Variants in MACROD2 observed in about 807,000 individuals in gnomAD.
MACROD2 encodes the protein mono-ADP ribosylhydrolase 2.
A neutral mutation model predicts 70.4 loss-of-function variants in MACROD2; 36 were observed. The ratio of observed to expected loss-of-function variants is 0.51; its 90% confidence interval spans 0.39 to 0.68. The LOEUF (loss-of-function observed/expected upper bound fraction) is 0.68, where lower values mean the gene tolerates loss of function less well. Ranked by LOEUF, MACROD2 falls within the 30% of genes least tolerant of loss-of-function variation. The probability of loss-of-function intolerance (pLI) is 0.00; values close to 1 mark genes in which losing one functional copy is unlikely to be tolerated. For missense variants in MACROD2, 496 were observed against 538.4 expected, an observed-to-expected ratio of 0.92 and a Z score of 0.78; for synonymous variants, 172 against 178.8, an observed-to-expected ratio of 0.96 and a Z score of 0.30.
At chr20:14,912,170 G>A (rs998370456) in intron 5 of MACROD2, among the ~76,000 whole-genome samples, 1 of 152,134 alleles carries the variant, frequency 6.6e-6, no homozygotes, top group African/African-American at 2.4e-5. Context: ...TTGTCTGTCT[G>A]TCTTAAGAAG....
At chr20:14,209,765 T>C (rs549355037) in intron 3 of MACROD2, among the ~76,000 whole-genome samples, 1 of 152,252 alleles carries the variant, frequency 6.6e-6, no homozygotes, top group African/African-American at 2.4e-5. Context: ...GAGTGGAACA[T>C]AGCACTTCTC....
intron 7 of MACROD2, among the ~76,000 whole-genome samples, chr20:15,432,377 A>G (rs1326564367): frequency 6.6e-6 from 1 of 152,034 alleles, no homozygotes; most frequent in African/African-American, 2.4e-5. Context: ...ATTTTGTCAC[A>G]CTATTTAAAA....
At chr20:14,678,250 T>C (rs922651226) in intron 4 of MACROD2, among the ~76,000 whole-genome samples, 2 of 152,108 alleles carry the variant, frequency 1.3e-5, no homozygotes, top group Non-Finnish European at 2.9e-5. Context: ...GATGTAGAAA[T>C]AGTTATATCA....
chr20:15,103,129 TTC>T (rs1281400588), intron 5 of MACROD2, among the ~76,000 whole-genome samples: 2 of 152,158 alleles, frequency 1.3e-5, no homozygotes, highest in Non-Finnish European at 2.9e-5. Context: ...TCAATTTATG[TTC>T]TGTTTCAGGA....
At chr20:14,339,102 T>A (rs2082984804) in intron 3 of MACROD2, among the ~76,000 whole-genome samples, 1 of 152,222 alleles carries the variant, frequency 6.6e-6, no homozygotes, top group African/African-American at 2.4e-5. Context: ...GGTCTCTTCA[T>A]TAGCTTCATT....
At chr20:14,746,206 C>T (rs1297188057) in intron 5 of MACROD2, among the ~76,000 whole-genome samples, 1 of 152,164 alleles carries the variant, frequency 6.6e-6, no homozygotes, top group African/African-American at 2.4e-5. Context: ...CTGCTTTCAA[C>T]TTTTCACTAC....
At chr20:15,682,377 T>C (rs1033812369) in intron 8 of MACROD2, among the ~76,000 whole-genome samples, 1 of 152,188 alleles carries the variant, frequency 6.6e-6, no homozygotes, top group Non-Finnish European at 1.5e-5. Context: ...CTGGAGCAGC[T>C]CATGGGGAAA....
Position 15,712,462 on chromosome 20 carries a change from A to C in MACROD2, c.646-150283A>C, listed in dbSNP as rs370615472. Among the ~76,000 whole-genome samples, 9 of 152,082 alleles carry C rather than the reference A, an allele frequency of 5.9e-5. No homozygotes were observed. The East Asian group carries it at 1.5e-3, about 26-fold the overall frequency. On this transcript the variant is annotated intron_variant, in intron 8 of 17. Transcript: ENST00000684519. ...CACTGCCACCTCCCCCACCACTACT[A>C]ATTTTTACTGATCAGATTACACATC...
rs546911429 is a variant in MACROD2 at position 15,668,759 on chromosome 20, G to A, written c.645+168912G>A. On this transcript the variant is annotated intron_variant, in intron 8 of 17. Transcript: ENST00000684519. ...AAGTGATCTGTGAGTTGACACTGGCGTCATTGCCTAGCTTGCTTACCCAAA... is the reference window on the plus strand; with the variant it reads ...AAGTGATCTGTGAGTTGACACTGGCATCATTGCCTAGCTTGCTTACCCAAA... 2.8e-4 allele frequency among the ~76,000 whole-genome samples: 42 copies of A among 152,236 alleles called. 1 individual carries two copies. The highest frequency in any genetic ancestry group is 7.5e-4 in the African/African-American group (31 of 41,544).
chr20:14,388,335 T>G (rs1396534030), intron 3 of MACROD2, among the ~76,000 whole-genome samples: 1 of 152,068 alleles, frequency 6.6e-6, no homozygotes, highest in South Asian at 2.1e-4. Flanking sequence ...TTTTATTAAT[T>G]TGGAATTTTA....
intron 15 of MACROD2, among the ~76,000 whole-genome samples, chr20:15,994,827 T>C (rs1391683644): frequency 6.6e-6 from 1 of 152,194 alleles, no homozygotes; most frequent in Non-Finnish European, 1.5e-5. Context: ...TCTGCAAGTT[T>C]GAGTACTTTT....
intron 5 of MACROD2, among the ~76,000 whole-genome samples, chr20:14,861,036 G>A (rs2073310454): frequency 6.6e-6 from 1 of 151,892 alleles, no homozygotes; most frequent in South Asian, 2.1e-4. Flanking sequence ...TTTTTATTCT[G>A]TTATATAACA....
rs555650845 is a variant in MACROD2, at chr20:14,184,544, G to GT, written c.271+98824dup. Among the ~76,000 whole-genome samples the GT allele has an allele frequency of 4.6e-5, 7 of 151,452 alleles. No homozygotes were observed. In the East Asian group the frequency reaches 1.2e-3, roughly 25 times the overall value. On this transcript the variant is annotated intron_variant, in intron 3 of 17. Transcript: ENST00000684519. ...TTGGTTCCATATGAATTTTAAAATAGTTTTTTTTCTAGTTCTGTGAAGAAT... is the reference window on the plus strand; with the variant it reads ...TTGGTTCCATATGAATTTTAAAATAGTTTTTTTTTCTAGTTCTGTGAAGAAT...
At chr20:14,953,431 C>G (rs185770297) in intron 5 of MACROD2, among the ~76,000 whole-genome samples, 6 of 152,012 alleles carry the variant, frequency 3.9e-5, no homozygotes, top group Non-Finnish European at 7.4e-5. Context: ...CTCAGCCTAC[C>G]GAGTAGCTGG....
intron 8 of MACROD2, among the ~76,000 whole-genome samples, chr20:15,668,618 A>G (rs1426538380): frequency 6.6e-6 from 1 of 151,176 alleles, no homozygotes; most frequent in African/African-American, 2.5e-5. Context: ...CATTTCATTC[A>G]CATCAAGAGG....
At chr20:15,451,483 C>T (rs1268933763) in intron 7 of MACROD2, among the ~76,000 whole-genome samples, 1 of 148,292 alleles carries the variant, frequency 6.7e-6, no homozygotes, top group Non-Finnish European at 1.5e-5. Context: ...GAAATACACT[C>T]GAGAATGGGC....
Position 14,664,999 on chromosome 20 carries a change from G to A in MACROD2, c.302-19844G>A, listed in dbSNP as rs112669373. ...GAGAAGTTACATGTGGACAGCACTCGGATTTCAACTAGTTGGCAGATTATG... is the reference window on the plus strand; with the variant it reads ...GAGAAGTTACATGTGGACAGCACTCAGATTTCAACTAGTTGGCAGATTATG... On this transcript the variant is annotated intron_variant, in intron 4 of 17. Transcript: ENST00000684519. Among the ~76,000 whole-genome samples, 370 of 152,158 alleles carry A rather than the reference G, an allele frequency of 2.4e-3. 1 individual carries two copies. The highest frequency in any genetic ancestry group is 8.1e-3 in the African/African-American group (337 of 41,536).
chr20:15,938,302 A>T (rs1441183847), intron 12 of MACROD2, among the ~76,000 whole-genome samples: 1 of 152,086 alleles, frequency 6.6e-6, no homozygotes, highest in Non-Finnish European at 1.5e-5. Flanking sequence ...AAAATATTAC[A>T]TTTTTTACAA....
intron 8 of MACROD2, among the ~76,000 whole-genome samples, chr20:15,597,183 A>G (rs1167369534): frequency 6.6e-6 from 1 of 152,208 alleles, no homozygotes; most frequent in Non-Finnish European, 1.5e-5. Context: ...AGAGGTGGAG[A>G]AAGTGTTTGC....
Sources: allele counts gnomAD v4.1 joint callset (sites outside exome capture counted in the v4.1 genomes callset), GRCh38; gene constraint gnomAD v4.1.1; transcripts MANE v1.5; gene names NCBI Gene and HGNC (gene_info 2026-07-23, HGNC 2026-07-21).